The following LRCH4 variants were observed in gnomAD, a reference collection of about 807,000 sequenced individuals.
LRCH4 encodes the protein leucine-rich repeat and calponin homology domain-containing protein 4.
Under a neutral mutation model 81.2 loss-of-function variants are expected in LRCH4, and 56 were observed. The observed-to-expected ratio is 0.69, with a 90% CI of 0.56 to 0.86. The LOEUF (loss-of-function observed/expected upper bound fraction) is 0.86, where lower values mean the gene tolerates loss of function less well. LRCH4 is among the 40% of genes least tolerant of loss of function. The probability of loss-of-function intolerance (pLI) is 0.00; values close to 1 mark genes in which losing one functional copy is unlikely to be tolerated. For synonymous variants in LRCH4, 442 were observed against 409.7 expected (o/e 1.08, Z -0.95); for missense variants, 895 against 922.8 (o/e 0.97, Z 0.39).
intron 4 of LRCH4, chr7:100,580,523 A>G (rs1801503745): frequency 6.6e-6 from 1 of 151,768 alleles, no homozygotes; most frequent in Non-Finnish European, 1.5e-5. Flanking sequence ...AACATACACA[A>G]CACATACACA....
At position 100,575,755 on chromosome 7, in the gene LRCH4, T is replaced by TGG; in HGVS notation, c.1803_1804insCC (p.Lys602ProfsTer8). On this transcript the variant is annotated frameshift_variant, in exon 17 of 18. Coordinates refer to ENST00000310300, the MANE Select transcript of LRCH4 (RefSeq NM_002319.5). LOFTEE classifies it high-confidence loss of function. This position sits in a 1 kb window ranked among gnomAD's most constrained non-coding sequence, Gnocchi z 5.3. ...GCTTCTAGAAAACTCTCCACATTCT[T>TGG]CCGAGCCTTGAGGGCACTGAGTTTT... is the stretch of plus-strand genomic sequence containing the variant. 1 of 1,612,600 alleles carries TGG rather than the reference T, an allele frequency of 6.2e-7. No homozygotes were observed. Among genetic ancestry groups the TGG allele is most frequent in the Admixed American group, 1.7e-5 (1 of 59,906 alleles).
In LRCH4 at chr7:100,577,004, C is replaced by T. The variant is rs776675060; in HGVS notation, c.1366G>A (p.Gly456Ser). Residue 456 changes from glycine to serine, a missense_variant and splice_region_variant, in exon 13 of 18, where the codon GGC becomes AGC. Transcript: ENST00000310300. This position sits in a 1 kb window ranked among gnomAD's most constrained non-coding sequence, Gnocchi z 6.7. The stretch of plus-strand genomic sequence containing the variant: ...TGGGAGGCACTGGACTTAGGCGAGC[C>T]GCTGAGGAGAGACAGAAGGGAATTA... ...AAVSTQAMHN[G>S]SPKSSASQAG... 8.1e-6 allele frequency: 13 copies of T among 1,612,212 alleles called. No homozygotes were observed. Among genetic ancestry groups the T allele is most frequent in the African/African-American group, 2.7e-5 (2 of 74,876 alleles).
At chr7:100,579,596 CA>C (rs566949638) in intron 4 of LRCH4, 1,817 of 70,278 alleles carry the variant, frequency 0.026, 19 homozygotes, top group Non-Finnish European at 0.035. Context: ...GACTCTGTCT[CA>C]AAAAAAAAAA....
In LRCH4 at chr7:100,574,771, T is replaced by TG; in HGVS notation, c.*335dup. On this transcript the variant is annotated 3_prime_UTR_variant, in exon 18 of 18. Transcript: ENST00000310300. ...GATAATTTAGCCCCCCCATAGCAGC[T>TG]GTTGGGGGGGGAAGGGGAGGGCACA... 1 of 278,094 alleles carries TG rather than the reference T, an allele frequency of 3.6e-6. No homozygotes were observed. Among genetic ancestry groups the TG allele is most frequent in the Non-Finnish European group, 6.8e-6 (1 of 146,136 alleles). The allele number at this position is 278,094 out of a possible 1,614,324, so 17.2% of individuals were successfully genotyped here.
rs1260794262 is a variant in LRCH4, at chr7:100,578,396, T to TA, written c.848+2dup. 6.2e-7 allele frequency: 1 copy of TA among 1,613,250 alleles called. No individual in the cohort carries two copies. Among genetic ancestry groups the TA allele is most frequent in the Admixed American group, 1.7e-5 (1 of 59,964 alleles). On this transcript the variant is annotated splice_region_variant and intron_variant, in intron 6 of 17. Transcript: ENST00000310300. This position sits in a 1 kb window ranked among gnomAD's most constrained non-coding sequence, Gnocchi z 5.7. ...GCTTCCTTCCTCCCCACCTAGGACT[T>TA]ACCAGGGACTGAAACTCGGGGGCCG... is the stretch of plus-strand genomic sequence containing the variant.
Position 100,577,327 on chromosome 7 carries a change from C to G in LRCH4, c.1241G>C (p.Arg414Pro), listed in dbSNP as rs764615072. The change falls in exon 11 of 18, where the codon CGG (arginine) becomes CCG (proline). Residue 414 changes from arginine to proline, a missense_variant. Arg to Pro is a moderately radical substitution (Grantham distance 103, BLOSUM62 -2). Coordinates refer to ENST00000310300, the MANE Select transcript of LRCH4 (RefSeq NM_002319.5). This position sits in a 1 kb window ranked among gnomAD's most constrained non-coding sequence, Gnocchi z 6.7. ...GCTCTGCTGCTGCTGCCGCCGTTCC[C>G]GCTCCTGCCACAGCTGCAAGGTGTC... ...RPDTLQLWQE[R>P]ERRQQQQSGA... is the part of the protein sequence containing the mutation. 6.3e-7 allele frequency: 1 copy of G among 1,598,772 alleles called. No individual in the cohort carries two copies. The highest frequency in any genetic ancestry group is 8.5e-7 in the Non-Finnish European group (1 of 1,178,954).
In LRCH4 at chr7:100,578,955, CAT is replaced by C. The variant is rs977274102; in HGVS notation, c.599-171_599-170del. ...AGAAACCTCCCTGCTCCTCTCTCCA[CAT>C]GATTCTGGTCCACGGTCTAAGCGAG... On this transcript the variant is annotated intron_variant, in intron 4 of 17. Transcript: ENST00000310300. This position sits in a 1 kb window ranked among gnomAD's most constrained non-coding sequence, Gnocchi z 5.7. 57 of 664,578 alleles carry C rather than the reference CAT, an allele frequency of 8.6e-5. No homozygotes were observed. The East Asian group carries it at 1.3e-3, about 16-fold the overall frequency. 41.2% of individuals were successfully genotyped at this position (664,578 alleles called of 1,614,324 possible).
chr7:100,579,077 TCTC>T (rs1801458073), intron 4 of LRCH4: 1 of 438,698 alleles, frequency 2.3e-6, no homozygotes, highest in Non-Finnish European at 4.1e-6. Flanking sequence ...GTCCTCCTCA[TCTC>T]CTCGCCTGCC....
Position 100,577,838 on chromosome 7 carries a change from G to T in LRCH4, c.1023C>A (p.Arg341=). 6.2e-7 allele frequency: 1 copy of T among 1,613,098 alleles called. No homozygotes were observed. The highest frequency in any genetic ancestry group is 1.1e-5 in the South Asian group (1 of 91,022). ...LAREPRGPRE[R]KEDGSADGDP... The stretch of plus-strand genomic sequence containing the variant: ...GCTACTCACCTGAGCCATCCTCCTT[G>T]CGTTCTCTGGGTCCCCGGGGCTCCC... Residue 341 remains arginine, a synonymous_variant, in exon 8 of 18, where the codon CGC becomes CGA. Transcript: ENST00000310300. This position sits in a 1 kb window ranked among gnomAD's most constrained non-coding sequence, Gnocchi z 6.7.
chr7:100,576,811 C>T (rs1265504804), intron 13 of LRCH4, 34 bp from the exon 14 acceptor site: 3 of 1,549,050 alleles, frequency 1.9e-6, no homozygotes, highest in Non-Finnish European at 1.8e-6. Context: ...GCGACAGGGG[C>T]AGGTGAGACA....
rs376708709 is a variant in LRCH4, at chr7:100,576,225, C to A, written c.1638+13G>T. ...CCCAGGCCCCTGCCCACGCAGCTCC[C>A]GCCTCTGCTCACCTGGCGCAGCTGA... On this transcript the variant is annotated intron_variant, in intron 15 of 17. Transcript: ENST00000310300. 1.2e-6 allele frequency: 2 copies of A among 1,613,150 alleles called. No homozygotes were observed. Among genetic ancestry groups the A allele is most frequent in the South Asian group, 2.2e-5 (2 of 90,914 alleles).
In LRCH4 at chr7:100,586,085, C is replaced by T. The variant is rs1200254788; in HGVS notation, c.16G>A (p.Ala6Thr). 5 of 1,531,900 alleles carry T rather than the reference C, an allele frequency of 3.3e-6. No individual in the cohort carries two copies. In the East Asian group the frequency reaches 7.5e-5, roughly 23 times the overall value. The allele number at this position is 1,531,900 out of a possible 1,614,324, so 94.9% of individuals were successfully genotyped here. Residue 6 changes from alanine (A) to threonine (T), a missense_variant, in exon 1 of 18, where the codon GCG becomes ACG. Physicochemically the swap from Ala to Thr is moderately conservative, Grantham distance 58. This residue lies in a region of LRCH4 where 360 missense variants were observed against 397.0 expected (regional missense o/e 0.91). Transcript: ENST00000310300. MAAAV[A>T]APLAAGGEEA... ...TCACCCCCGGCGGCGAGTGGAGCCG[C>T]TACGGCCGCCGCCATCCGCTCCCGG...
Position 100,574,802 on chromosome 7 carries a change from A to C in LRCH4, c.*305T>G. ...GGGGGGAAGGGGAGGGCACAGGAGG[A>C]AGGGGGAGACTCCAGCTCCTGCCAC... On this transcript the variant is annotated 3_prime_UTR_variant, in exon 18 of 18. Coordinates refer to ENST00000310300, the MANE Select transcript of LRCH4 (RefSeq NM_002319.5). 3.1e-6 allele frequency: 1 copy of C among 324,488 alleles called. No individual in the cohort carries two copies. The highest frequency in any genetic ancestry group is 4.5e-5 in the Admixed American group (1 of 22,262). The allele number at this position is 324,488 out of a possible 1,614,324, so 20.1% of individuals were successfully genotyped here.
At position 100,574,648 on chromosome 7, in the gene LRCH4, A is replaced by G; in HGVS notation, c.*459T>C. On this transcript the variant is annotated 3_prime_UTR_variant, in exon 18 of 18. Coordinates refer to ENST00000310300, the MANE Select transcript of LRCH4 (RefSeq NM_002319.5). The stretch of plus-strand genomic sequence containing the variant: ...CGCGCGCGCGCACACACACACACAC[A>G]GGCAGGGCGGCCACGGTCTGTACAG... The G allele has an allele frequency of 6.2e-6, 1 of 160,062 alleles. No homozygotes were observed. 9.9% of individuals were successfully genotyped at this position (160,062 alleles called of 1,614,324 possible). A position where few individuals can be genotyped will look rare whatever the true frequency, so the allele number is the denominator to read the frequency against.
rs2131222063 is a variant in LRCH4, at chr7:100,583,993, A to G, written c.221-1534T>C. 2.7e-6 allele frequency: 1 copy of G among 366,042 alleles called. No homozygotes were observed. The highest frequency in any genetic ancestry group is 2.0e-5 in the South Asian group (1 of 50,904). The allele number at this position is 366,042 out of a possible 1,614,324, so 22.7% of individuals were successfully genotyped here. On this transcript the variant is annotated intron_variant, in intron 1 of 17. Coordinates refer to ENST00000310300, the MANE Select transcript of LRCH4 (RefSeq NM_002319.5). The surrounding 1 kb of genome is among the most constrained non-coding windows in gnomAD (Gnocchi z 4.3). The stretch of plus-strand genomic sequence containing the variant: ...ATGAGCTGCACTTCTCCTTTGCAAG[A>G]TGGCCCCTCCCCGCCACCTCAGGAT...
chr7:100,577,131 G>T lies in LRCH4; in HGVS notation c.1319C>A (p.Ala440Asp). 6.2e-7 allele frequency: 1 copy of T among 1,614,086 alleles called. No homozygotes were observed. The highest frequency in any genetic ancestry group is 8.5e-7 in the Non-Finnish European group (1 of 1,179,998). The change falls in exon 12 of 18, where the codon GCT becomes GAT. Residue 440 changes from alanine (A) to aspartate (D), a missense_variant. Coordinates refer to ENST00000310300, the MANE Select transcript of LRCH4 (RefSeq NM_002319.5). This position sits in a 1 kb window ranked among gnomAD's most constrained non-coding sequence, Gnocchi z 6.7. ...CACGGCGGCGGCCCCTCCCACAACA[G>T]CCCTGAGCCCTGGCTTCAAGAGGCT... ...KDSLLKPGLR[A>D]VVGGAAAVST...
In LRCH4 at chr7:100,578,159, C is replaced by A; in HGVS notation, c.948G>T (p.Glu316Asp). 2 of 1,614,120 alleles carry A rather than the reference C, an allele frequency of 1.2e-6. No homozygotes were observed. The highest frequency in any genetic ancestry group is 1.7e-6 in the Non-Finnish European group (2 of 1,179,954). Residue 316 changes from glutamate to aspartate, a missense_variant and splice_region_variant, in exon 7 of 18, where the codon GAG becomes GAT. Around this residue, in one of 3 missense-constraint regions of LRCH4, gnomAD observed 529 missense variants for 504.9 expected, o/e 1.05. Transcript: ENST00000310300. This position sits in a 1 kb window ranked among gnomAD's most constrained non-coding sequence, Gnocchi z 5.7. ...DSGSKRWSGNESTDEFSELSF... is the reference protein window; with the variant it reads ...DSGSKRWSGNDSTDEFSELSF... ...TCACCCATGGACAGGACGCCCTTAC[C>A]TCATTTCCAGACCACCTCTTGCTGC...
chr7:100,586,124 C>G lies in LRCH4; in HGVS notation c.-24G>C. On this transcript the variant is annotated 5_prime_UTR_variant, in exon 1 of 18. Coordinates refer to ENST00000310300, the MANE Select transcript of LRCH4 (RefSeq NM_002319.5). ...ATCCGCTCCCGGCGGCTCCCGCTGCCTGACTGACGGGACCGGCCGTCCCTC... is the reference window on the plus strand; with the variant it reads ...ATCCGCTCCCGGCGGCTCCCGCTGCGTGACTGACGGGACCGGCCGTCCCTC... The G allele has an allele frequency of 6.7e-7, 1 of 1,500,242 alleles. No individual in the cohort carries two copies. The highest frequency in any genetic ancestry group is 1.3e-5 in the South Asian group (1 of 78,590). 92.9% of individuals were successfully genotyped at this position (1,500,242 alleles called of 1,614,324 possible). A position where few individuals can be genotyped will look rare whatever the true frequency, so the allele number is the denominator to read the frequency against.
In LRCH4 at chr7:100,577,770, C is replaced by G. The variant is rs1472319327; in HGVS notation, c.1040-30G>C. On this transcript the variant is annotated intron_variant, in intron 8 of 17. Transcript: ENST00000310300. This position sits in a 1 kb window ranked among gnomAD's most constrained non-coding sequence, Gnocchi z 6.7. ...GGAGGCCAGCATGTCAGCAAGTGAG[C>G]GGGGACCCAGGCCCTGGTCCAGCCC... The G allele has an allele frequency of 6.2e-7, 1 of 1,613,608 alleles. No homozygotes were observed. The highest frequency in any genetic ancestry group is 1.3e-5 in the African/African-American group (1 of 74,928).
Sources: gnomAD v4.1 joint callset for allele counts on GRCh38, gnomAD v4.1.1 for gene constraint, gnomAD v4.1.1 regional missense constraint, Gnocchi (gnomAD v3.1) non-coding constraint, MANE v1.5 for transcripts, NCBI Gene and HGNC (gene_info 2026-07-23, HGNC 2026-07-21) for gene names.